Variants in COL24A1 observed in about 807,000 individuals in gnomAD.
COL24A1 encodes collagen alpha-1(XXIV) chain.
A neutral mutation model predicts 253.9 loss-of-function variants in COL24A1; 224 were observed. The observed-to-expected ratio is 0.88, with a 90% confidence interval of 0.79 to 0.99. COL24A1 has a LOEUF of 0.99. Ranked by LOEUF, COL24A1 falls within the 50% of genes least tolerant of loss-of-function variation. The pLI, the probability that COL24A1 is intolerant of heterozygous loss-of-function variation, is 0.00. For synonymous variants in COL24A1, 685 were observed against 673.7 expected (o/e 1.02, Z -0.26); for missense variants, 2,131 against 2,068.5 (o/e 1.03, Z -0.59).
intron 24 of COL24A1, among the ~76,000 whole-genome samples, chr1:85,933,286 C>T (rs72712749): frequency 0.12 from 18,509 of 151,856 alleles, 1,060 homozygotes; most frequent in South Asian, 0.23. Flanking sequence ...TAGAGTTCAT[C>T]GGCAATAGAA....
At chr1:85,799,379 T>TAAAAAA (rs66952563) in intron 47 of COL24A1, among the ~76,000 whole-genome samples, 1 of 112,336 alleles carries the variant, frequency 8.9e-6, no homozygotes, top group East Asian at 2.7e-4. Flanking sequence ...GTGCCATGAC[T>TAAAAAA]AAAAAAAAAA....
intron 58 of COL24A1, among the ~76,000 whole-genome samples, chr1:85,737,120 G>T (rs934493533): frequency 7.9e-5 from 12 of 152,034 alleles, no homozygotes; most frequent in African/African-American, 2.9e-4. Flanking sequence ...TAAAAACATA[G>T]CATATGTTGC....
chr1:86,139,609 T>C (rs539389666), intron 2 of COL24A1, among the ~76,000 whole-genome samples: 41 of 152,326 alleles, frequency 2.7e-4, no homozygotes, highest in African/African-American at 9.4e-4. Flanking sequence ...TTATAAAGTA[T>C]AACAAGTTAC....
At chr1:86,006,835 C>T (rs1012574553) in intron 19 of COL24A1, among the ~76,000 whole-genome samples, 22 of 152,014 alleles carry the variant, frequency 1.4e-4, no homozygotes, top group African/African-American at 5.1e-4. Flanking sequence ...TAACAAACAC[C>T]TCACCAAGGA....
chr1:86,083,721 G>A (rs1318534417), intron 7 of COL24A1, among the ~76,000 whole-genome samples: 2 of 152,178 alleles, frequency 1.3e-5, no homozygotes, highest in Admixed American at 1.3e-4. Flanking sequence ...TAAGACAGCA[G>A]AGAGGAGGTG....
intron 7 of COL24A1, among the ~76,000 whole-genome samples, chr1:86,078,062 A>G (rs1702383374): frequency 6.6e-6 from 1 of 152,246 alleles, no homozygotes; most frequent in African/African-American, 2.4e-5. Context: ...CAAAATACTC[A>G]CAAACTGAAT....
Position 85,946,471 on chromosome 1 carries a change from C to T in COL24A1, c.2562+14778G>A, listed in dbSNP as rs978877189. Among the ~76,000 whole-genome samples the T allele has an allele frequency of 4.6e-5, 7 of 152,126 alleles. No individual in the cohort carries two copies. In the South Asian group the frequency reaches 1.5e-3, roughly 32 times the overall value. On this transcript the variant is annotated intron_variant, in intron 24 of 59. Transcript: ENST00000370571. ...GACTTGGGGACCCTCAACACAGTGT[C>T]CTAAGGTATCTCCATGAGAAACCTG...
At chr1:85,855,864 T>C (rs1157007461) in intron 37 of COL24A1, among the ~76,000 whole-genome samples, 1 of 152,200 alleles carries the variant, frequency 6.6e-6, no homozygotes, top group African/African-American at 2.4e-5. Context: ...ACTGATTCAA[T>C]TTCAGAACTC....
chr1:85,916,466 G>T (rs1031073827), intron 24 of COL24A1, among the ~76,000 whole-genome samples: 8 of 152,092 alleles, frequency 5.3e-5, no homozygotes. Flanking sequence ...ATTAAAAATG[G>T]TTTCCTTGCA....
chr1:85,923,793 T>G (rs1558670907), intron 24 of COL24A1, among the ~76,000 whole-genome samples: 1 of 152,044 alleles, frequency 6.6e-6, no homozygotes, highest in East Asian at 1.9e-4. Flanking sequence ...ATTCAAAAGC[T>G]AGCAGAAGGC....
intron 24 of COL24A1, among the ~76,000 whole-genome samples, chr1:85,932,701 T>G (rs1396460027): frequency 1.9e-5 from 2 of 106,952 alleles, no homozygotes; most frequent in African/African-American, 7.8e-5. Context: ...TGTCCAACAA[T>G]GATAGATTGG....
intron 24 of COL24A1, among the ~76,000 whole-genome samples, chr1:85,927,818 G>T (rs1397414155): frequency 8.4e-6 from 1 of 119,164 alleles, no homozygotes; most frequent in African/African-American, 3.2e-5. Context: ...CCCAGCAGGG[G>T]CACACTGACA....
chr1:85,744,024 CA>C (rs971651025), intron 57 of COL24A1, among the ~76,000 whole-genome samples: 8 of 152,148 alleles, frequency 5.3e-5, no homozygotes, highest in Admixed American at 2.0e-4. Context: ...TCAAATCATA[CA>C]TTTTTTTTTC....
intron 37 of COL24A1, among the ~76,000 whole-genome samples, chr1:85,858,049 C>T (rs1168520168): frequency 6.6e-6 from 1 of 152,148 alleles, no homozygotes; most frequent in Non-Finnish European, 1.5e-5. Context: ...GTTAGCTATG[C>T]CTCTAAAATA....
chr1:85,868,884 T>C, intron 35 of COL24A1, 49 bp from the exon 36 acceptor site: 1 of 1,292,290 alleles, frequency 7.7e-7, no homozygotes, highest in Non-Finnish European at 1.1e-6. Context: ...TGCTATATCA[T>C]TTATCTTATT....
At chr1:86,038,435 T>C (rs1699199604) in intron 12 of COL24A1, among the ~76,000 whole-genome samples, 1 of 152,106 alleles carries the variant, frequency 6.6e-6, no homozygotes, top group South Asian at 2.1e-4. Flanking sequence ...ATGGTACCAC[T>C]TAAAAACCTT....
At chr1:86,066,777 A>C (rs1206178218) in intron 7 of COL24A1, among the ~76,000 whole-genome samples, 1 of 152,178 alleles carries the variant, frequency 6.6e-6, no homozygotes, top group Non-Finnish European at 1.5e-5. Flanking sequence ...GAATACTGGA[A>C]TCTATCAGAA....
chr1:85,896,473 T>C lies in COL24A1; in HGVS notation c.2779-64A>G, dbSNP rs1398035189. 9 of 1,357,972 alleles carry C rather than the reference T, an allele frequency of 6.6e-6. No homozygotes were observed. In the Admixed American group the frequency reaches 1.4e-4, roughly 21 times the overall value. The allele number at this position is 1,357,972 out of a possible 1,614,324, so 84.1% of individuals were successfully genotyped here. A position where few individuals can be genotyped will look rare whatever the true frequency, so the allele number is the denominator to read the frequency against. On this transcript the variant is annotated intron_variant, in intron 28 of 59. Coordinates refer to ENST00000370571, the MANE Select transcript of COL24A1 (RefSeq NM_152890.7). ...GTTCCTTTTTTTTTCTTAACAGTTA[T>C]GTGTCCTCACAGATGAACATGTTGA...
chr1:85,906,264 C>CTCTTTTTTTTTTTTTTT (rs1684807352), intron 28 of COL24A1, among the ~76,000 whole-genome samples: 1 of 77,848 alleles, frequency 1.3e-5, no homozygotes. Context: ...ACTGCAAGGT[C>CTCTTTTTTTTTTTTTTT]TTTTTTTTTT....
Sources: allele counts gnomAD v4.1 joint callset (sites outside exome capture counted in the v4.1 genomes callset), GRCh38; gene constraint gnomAD v4.1.1; transcripts MANE v1.5; gene names NCBI Gene and HGNC (gene_info 2026-07-23, HGNC 2026-07-21).